The following SLC10A7 variants were observed in gnomAD, a reference collection of about 807,000 sequenced individuals.
SLC10A7 encodes the protein solute carrier family 10 member 7, also known as sodium/bile acid cotransporter 7.
Under a neutral mutation model 43.2 loss-of-function variants are expected in SLC10A7, and 29 were observed. The ratio of observed to expected loss-of-function variants is 0.67; its 90% CI spans 0.50 to 0.92. The LOEUF is 0.92. Ranked by LOEUF, SLC10A7 falls within the 40% of genes least tolerant of loss-of-function variation. The probability of loss-of-function intolerance (pLI) is 0.00; values close to 1 mark genes in which losing one functional copy is unlikely to be tolerated. For synonymous variants in SLC10A7, 152 were observed against 144.8 expected (o/e 1.05, Z -0.35); for missense variants, 295 against 403.2 (o/e 0.73, Z 2.30).
At chr4:146,404,776 T>C (rs1165866242) in intron 5 of SLC10A7, among the ~76,000 whole-genome samples, 16 of 152,132 alleles carry the variant, frequency 1.1e-4, no homozygotes, top group Non-Finnish European at 2.2e-4. Flanking sequence ...GGCTTATGTG[T>C]TGCGTCTTTG....
intron 4 of SLC10A7, among the ~76,000 whole-genome samples, chr4:146,468,473 A>ATTTTTTTTTTTTTTTTTTTTTTTTTT (rs368637891): frequency 7.0e-6 from 1 of 143,582 alleles, no homozygotes; most frequent in East Asian, 2.1e-4. Flanking sequence ...TTATATTTTA[A>ATTTTTTTTTTTTTTTTTTTTTTTTTT]TTTTTTTTTT....
intron 2 of SLC10A7, among the ~76,000 whole-genome samples, chr4:146,510,910 C>T (rs1215843808): frequency 6.6e-6 from 1 of 152,214 alleles, no homozygotes; most frequent in Non-Finnish European, 1.5e-5. Flanking sequence ...GCATTTCCTT[C>T]CACAGTCTAT....
chr4:146,426,232 G>A (rs914985353), intron 5 of SLC10A7, among the ~76,000 whole-genome samples: 1 of 152,144 alleles, frequency 6.6e-6, no homozygotes, highest in Non-Finnish European at 1.5e-5. Context: ...AATGAAAAAA[G>A]TAATATTACT....
At chr4:146,458,762 T>A (rs1005764482) in intron 4 of SLC10A7, among the ~76,000 whole-genome samples, 1 of 151,870 alleles carries the variant, frequency 6.6e-6, no homozygotes, top group Non-Finnish European at 1.5e-5. Flanking sequence ...CCACTTTTGA[T>A]TTTGAGGGCT....
intron 5 of SLC10A7, among the ~76,000 whole-genome samples, chr4:146,360,704 T>C (rs1735984310): frequency 6.6e-6 from 1 of 152,086 alleles, no homozygotes; most frequent in South Asian, 2.1e-4. Flanking sequence ...TAGTCCTCTC[T>C]CCTCAGACTC....
intron 5 of SLC10A7, among the ~76,000 whole-genome samples, chr4:146,439,860 A>T (rs933098742): frequency 5.9e-5 from 9 of 152,208 alleles, no homozygotes; most frequent in South Asian, 2.1e-4. Context: ...GAGAAAATTC[A>T]CAAATAGCTG....
intron 5 of SLC10A7, among the ~76,000 whole-genome samples, chr4:146,346,619 C>A (rs1237807486): frequency 6.6e-6 from 1 of 152,052 alleles, no homozygotes; most frequent in African/African-American, 2.4e-5. Context: ...TATTTTTCAA[C>A]TAATTTTATT....
intron 5 of SLC10A7, among the ~76,000 whole-genome samples, chr4:146,439,160 A>G (rs1386373274): frequency 6.6e-6 from 1 of 152,048 alleles, no homozygotes; most frequent in Non-Finnish European, 1.5e-5. Context: ...AAATTTATGT[A>G]AATTGAATTC....
At chr4:146,328,618 C>T (rs756885283) in intron 5 of SLC10A7, among the ~76,000 whole-genome samples, 3 of 152,176 alleles carry the variant, frequency 2.0e-5, no homozygotes, top group Admixed American at 6.5e-5. Context: ...CACTCCACCA[C>T]CACCTCTGGG....
In SLC10A7 at chr4:146,255,440, T is replaced by A. The variant is rs1350060153; in HGVS notation, c.*1051A>T. The stretch of plus-strand genomic sequence containing the variant: ...TTTTCATTTATTCATGAAAGCAATA[T>A]GATTTAACTTCTAAAAAAATATTGC... On this transcript the variant is annotated 3_prime_UTR_variant, in exon 12 of 12. Coordinates refer to ENST00000335472, the MANE Select transcript of SLC10A7 (RefSeq NM_001029998.6). The A allele has an allele frequency of 6.5e-6, 1 of 152,678 alleles. No homozygotes were observed. The highest frequency in any genetic ancestry group is 2.4e-5 in the African/African-American group (1 of 41,456). 9.5% of individuals were successfully genotyped at this position (152,678 alleles called of 1,614,324 possible).
intron 5 of SLC10A7, among the ~76,000 whole-genome samples, chr4:146,338,388 A>G (rs1734035554): frequency 1.3e-5 from 2 of 151,880 alleles, no homozygotes; most frequent in African/African-American, 2.4e-5. Flanking sequence ...TACAGAGGAG[A>G]AAATTGAGGT....
intron 5 of SLC10A7, among the ~76,000 whole-genome samples, chr4:146,400,022 C>T (rs1203148528): frequency 1.3e-5 from 2 of 152,066 alleles, no homozygotes; most frequent in Non-Finnish European, 2.9e-5. Flanking sequence ...GGACCCACAG[C>T]CAGGCCTGAG....
intron 10 of SLC10A7, among the ~76,000 whole-genome samples, chr4:146,271,375 A>T (rs1728882416): frequency 6.6e-6 from 1 of 152,160 alleles, no homozygotes; most frequent in Non-Finnish European, 1.5e-5. Context: ...TCTTTTACCT[A>T]CATATCCAAT....
intron 5 of SLC10A7, among the ~76,000 whole-genome samples, chr4:146,386,158 C>G (rs1737978565): frequency 6.6e-6 from 1 of 152,104 alleles, no homozygotes; most frequent in Non-Finnish European, 1.5e-5. Context: ...ACTCTCCAAA[C>G]TGCTTTCCAC....
chr4:146,403,569 T>C (rs1739368708), intron 5 of SLC10A7, among the ~76,000 whole-genome samples: 1 of 152,174 alleles, frequency 6.6e-6, no homozygotes, highest in African/African-American at 2.4e-5. Flanking sequence ...TACCTGCATG[T>C]ATACTTCACA....
At chr4:146,476,960 A>G (rs962582192) in intron 4 of SLC10A7, among the ~76,000 whole-genome samples, 1 of 147,392 alleles carries the variant, frequency 6.8e-6, no homozygotes, top group African/African-American at 2.5e-5. Context: ...AAAAAAAAAA[A>G]TACAGTTGTT....
chr4:146,302,256 T>C (rs1039529351), intron 7 of SLC10A7, among the ~76,000 whole-genome samples: 2 of 152,142 alleles, frequency 1.3e-5, no homozygotes, highest in African/African-American at 4.8e-5. Context: ...TTAAACTGTG[T>C]GGAGATGAGA....
intron 5 of SLC10A7, among the ~76,000 whole-genome samples, chr4:146,368,912 A>G (rs1326766325): frequency 6.6e-6 from 1 of 152,198 alleles, no homozygotes; most frequent in Non-Finnish European, 1.5e-5. Context: ...GGAACTTTAA[A>G]GTTTTCCTAG....
intron 4 of SLC10A7, among the ~76,000 whole-genome samples, chr4:146,489,087 G>C (rs764193678): frequency 6.6e-6 from 1 of 152,166 alleles, no homozygotes; most frequent in Non-Finnish European, 1.5e-5. Context: ...GTGCCTTGGT[G>C]GGGTAGTACC....
Sources: allele counts gnomAD v4.1 joint callset (sites outside exome capture counted in the v4.1 genomes callset), GRCh38; gene constraint gnomAD v4.1.1; transcripts MANE v1.5; gene names NCBI Gene and HGNC (gene_info 2026-07-23, HGNC 2026-07-21).